C1QTNF7: variants seen among roughly 807,000 people sequenced by gnomAD.
C1QTNF7 encodes C1q and TNF related 7, also known as complement C1q tumor necrosis factor-related protein 7.
C1QTNF7 carries 15 observed loss-of-function variants against 19.6 expected under a neutral mutation model. The ratio of observed to expected loss-of-function variants is 0.76; its 90% CI spans 0.51 to 1.18. C1QTNF7 has a LOEUF of 1.18. Ranked by LOEUF, C1QTNF7 falls within the 50% of genes most tolerant of loss-of-function variation. The pLI is 0.00. For missense variants in C1QTNF7, 324 were observed against 359.7 expected, an observed-to-expected ratio of 0.90 and a Z score of 0.80; for synonymous variants, 142 against 137.5, an observed-to-expected ratio of 1.03 and a Z score of -0.23.
At chr4:15,410,401 C>T (rs1719363877) in intron 1 of C1QTNF7, among the ~76,000 whole-genome samples, 1 of 152,136 alleles carries the variant, frequency 6.6e-6, no homozygotes, top group Admixed American at 6.5e-5. Flanking sequence ...GCATTATAAT[C>T]ATATTGAACA....
intron 1 of C1QTNF7, among the ~76,000 whole-genome samples, chr4:15,346,115 AT>A (rs1489099757): frequency 6.6e-6 from 1 of 152,226 alleles, no homozygotes; most frequent in Admixed American, 6.5e-5. Context: ...AATGAAATTT[AT>A]TTTGCCATAA....
chr4:15,433,274 TC>T (rs1712405277), intron 1 of C1QTNF7, among the ~76,000 whole-genome samples: 2 of 152,030 alleles, frequency 1.3e-5, no homozygotes, highest in South Asian at 4.2e-4. Context: ...CACCTCAGCC[TC>T]CCAATACACT....
intron 1 of C1QTNF7, among the ~76,000 whole-genome samples, chr4:15,417,845 G>T (rs142829344): frequency 7.4e-4 from 113 of 152,318 alleles, no homozygotes; most frequent in Non-Finnish European, 1.3e-3. Context: ...GAGGAAATGG[G>T]CCACATGGAT....
intron 2 of C1QTNF7, among the ~76,000 whole-genome samples, chr4:15,439,869 T>TTA (rs1451970497): frequency 2.0e-5 from 3 of 151,906 alleles, no homozygotes; most frequent in Admixed American, 6.6e-5. Flanking sequence ...CATTGCTTTT[T>TTA]TATATATATA....
intron 2 of C1QTNF7, among the ~76,000 whole-genome samples, chr4:15,438,073 A>G (rs1192950096): frequency 6.6e-6 from 1 of 152,228 alleles, no homozygotes; most frequent in Non-Finnish European, 1.5e-5. Context: ...CTAAGAACTT[A>G]CTATTTGTCA....
chr4:15,424,636 G>T (rs1226910944), upstream of C1QTNF7, among the ~76,000 whole-genome samples: 2 of 152,126 alleles, frequency 1.3e-5, no homozygotes, highest in African/African-American at 4.8e-5. Context: ...CCCTCTTGGG[G>T]AGTGCATATA....
intron 1 of C1QTNF7, among the ~76,000 whole-genome samples, chr4:15,348,998 G>A (rs1716808600): frequency 6.6e-6 from 1 of 152,134 alleles, no homozygotes; most frequent in South Asian, 2.1e-4. Flanking sequence ...AACACCCCTA[G>A]AAGGTGGTGC....
Position 15,400,460 on chromosome 4 carries a change from C to T in C1QTNF7, c.14-35276C>T, listed in dbSNP as rs141935418. ...AGAGAAACAGAAAAGGATTAAGTTCCATTGTTTTGTTTTCTGGTGAACACA... is the reference window on the plus strand; with the variant it reads ...AGAGAAACAGAAAAGGATTAAGTTCTATTGTTTTGTTTTCTGGTGAACACA... On this transcript the variant is annotated intron_variant, in intron 1 of 2. Coordinates refer to the C1QTNF7 transcript ENST00000295297. Among the ~76,000 whole-genome samples, 4 of 152,298 alleles carry T rather than the reference C, an allele frequency of 2.6e-5. No individual in the cohort carries two copies. The East Asian group carries it at 7.7e-4, about 29-fold the overall frequency.
chr4:15,382,284 C>A (rs573056474), intron 1 of C1QTNF7, among the ~76,000 whole-genome samples: 13 of 152,080 alleles, frequency 8.5e-5, no homozygotes, highest in South Asian at 2.1e-4. Flanking sequence ...AAGCTTGTCA[C>A]CTCATAGTCA....
intron 1 of C1QTNF7, among the ~76,000 whole-genome samples, chr4:15,376,408 T>C (rs371483036): frequency 6.6e-6 from 1 of 152,232 alleles, no homozygotes; most frequent in Non-Finnish European, 1.5e-5. Context: ...TAGTAAGGTG[T>C]AGAGACTCTG....
intron 1 of C1QTNF7, among the ~76,000 whole-genome samples, chr4:15,413,313 G>T (rs569242774): frequency 1.3e-5 from 2 of 152,290 alleles, no homozygotes; most frequent in Admixed American, 6.5e-5. Flanking sequence ...GACTGCTATT[G>T]CACTAGCTCT....
intron 1 of C1QTNF7, 104 bp from the exon 2 acceptor site, chr4:15,435,632 T>G: frequency 4.0e-6 from 6 of 1,494,538 alleles, no homozygotes; most frequent in Non-Finnish European, 4.5e-6. Context: ...ACTGGAGTGA[T>G]TTGTTGCAAA....
intron 1 of C1QTNF7, among the ~76,000 whole-genome samples, chr4:15,342,255 G>A (rs76348060): frequency 6.6e-6 from 1 of 152,128 alleles, no homozygotes; most frequent in African/African-American, 2.4e-5. Context: ...ATGAACTGCC[G>A]GGAGTGTGGC....
At chr4:15,340,538 G>A (rs1181601429) in intron 1 of C1QTNF7, among the ~76,000 whole-genome samples, 2 of 152,200 alleles carry the variant, frequency 1.3e-5, no homozygotes, top group Middle Eastern at 6.8e-3. Context: ...TTATTCCCAA[G>A]GTCAGCTTAT....
chr4:15,360,293 T>C (rs1717291140), intron 1 of C1QTNF7, among the ~76,000 whole-genome samples: 1 of 152,122 alleles, frequency 6.6e-6, no homozygotes, highest in Non-Finnish European at 1.5e-5. Context: ...TTCTATAAAG[T>C]CATAGTGAAT....
At chr4:15,389,928 A>C (rs1384500545) in intron 1 of C1QTNF7, among the ~76,000 whole-genome samples, 4 of 152,208 alleles carry the variant, frequency 2.6e-5, no homozygotes, top group Admixed American at 2.0e-4. Context: ...AGACTTCTTC[A>C]TTAATCCCAC....
At chr4:15,409,651 C>CAGGCTGAGCTCCTGGAGGAGACAGTGA (rs1183654607) in intron 1 of C1QTNF7, among the ~76,000 whole-genome samples, 1 of 152,142 alleles carries the variant, frequency 6.6e-6, no homozygotes, top group Admixed American at 6.5e-5. Flanking sequence ...GCAGTCTAGT[C>CAGGCTGAGCTCCTGGAGGAGACAGTGA]AGGCTGAGCT....
At chr4:15,438,991 A>G (rs1412781604) in intron 2 of C1QTNF7, among the ~76,000 whole-genome samples, 2 of 152,236 alleles carry the variant, frequency 1.3e-5, no homozygotes, top group Non-Finnish European at 2.9e-5. Flanking sequence ...ATGGCATGGA[A>G]GAAGAAATCT....
At chr4:15,340,149 CAAAGCAAGAAAGCCTCATGTTTTGGGGG>C in exon 1 of C1QTNF7, 1 of 1,550,432 alleles carries the variant, frequency 6.4e-7, no homozygotes, top group Admixed American at 2.0e-5. Context: ...ATGGGACAAC[CAAAGCAAGAAAGCCTCATGTTTTGGGGG>C]AAAGTTTGAT....
Sources: gnomAD v4.1 joint callset for allele counts (sites outside exome capture counted in the v4.1 genomes callset) on GRCh38, gnomAD v4.1.1 for gene constraint, MANE v1.5 for transcripts, NCBI Gene and HGNC (gene_info 2026-07-23, HGNC 2026-07-21) for gene names.